Variants in MAP4K5 observed in about 807,000 individuals in gnomAD.
MAP4K5 encodes mitogen-activated protein kinase kinase kinase kinase 5, also known as MAPK/ERK kinase kinase kinase 5.
In MAP4K5, 82 loss-of-function variants were observed where a neutral mutation model predicts 135.6. The ratio of observed to expected loss-of-function variants is 0.60; its 90% CI spans 0.51 to 0.73. The LOEUF (loss-of-function observed/expected upper bound fraction) is 0.73. MAP4K5 is among the 30% of genes least tolerant of loss of function. The pLI is 0.00. For missense variants in MAP4K5, 907 were observed against 1,010.9 expected (o/e 0.90, Z 1.39); for synonymous variants, 347 against 335.0 (o/e 1.04, Z -0.39).
intron 2 of MAP4K5, among the ~76,000 whole-genome samples, chr14:50,514,563 C>T (rs1240423002): frequency 6.6e-6 from 1 of 152,132 alleles, no homozygotes; most frequent in Non-Finnish European, 1.5e-5. Flanking sequence ...GTGAAAAATG[C>T]TCTCATAGAT....
At chr14:50,560,653 G>A (rs2038829119) in intron 1 of MAP4K5, among the ~76,000 whole-genome samples, 1 of 152,388 alleles carries the variant, frequency 6.6e-6, no homozygotes, top group Admixed American at 6.5e-5. Flanking sequence ...GGCTATGGGG[G>A]TGGGCAGGGG....
Position 50,460,277 on chromosome 14 carries a change from C to T in MAP4K5, c.936+2388G>A, listed in dbSNP as rs148419273. On this transcript the variant is annotated intron_variant, in intron 13 of 32. Transcript: ENST00000682126. The stretch of plus-strand genomic sequence containing the variant: ...ATTTCCTTTGAGACTATACTATGAG[C>T]GTTATAAAAGCAGGGATAATGTTAG... Among the ~76,000 whole-genome samples the T allele has an allele frequency of 1.6e-3, 247 of 152,108 alleles. 2 individuals are homozygous for T. The highest frequency in any genetic ancestry group is 5.6e-3 in the African/African-American group (233 of 41,462).
In MAP4K5 at chr14:50,538,790, G is replaced by A. The variant is rs541308473; in HGVS notation, c.-94+3709C>T. 1.2e-4 allele frequency among the ~76,000 whole-genome samples: 19 copies of A among 152,172 alleles called. No homozygotes were observed. In the South Asian group the frequency reaches 1.9e-3, roughly 15 times the overall value. On this transcript the variant is annotated intron_variant, in intron 2 of 8. Transcript: ENST00000555216. ...ATTCCTCACTATCTATTGGTGATTC[G>A]CTTAACCCTGTCATCTAATCATTTA...
At chr14:50,548,884 A>T (rs2140156843) in intron 1 of MAP4K5, among the ~76,000 whole-genome samples, 1 of 152,282 alleles carries the variant, frequency 6.6e-6, no homozygotes, top group Admixed American at 6.5e-5. Context: ...TGTATAGGGC[A>T]TTGCAACAAG....
intron 11 of MAP4K5, among the ~76,000 whole-genome samples, chr14:50,465,784 T>C (rs1234923823): frequency 1.3e-5 from 2 of 152,130 alleles, no homozygotes; most frequent in African/African-American, 4.8e-5. Flanking sequence ...CACTGGATTA[T>C]AAAGAACACT....
chr14:50,428,549 A>G (rs1474301627), intron 30 of MAP4K5, 113 bp downstream of exon 30: 1 of 615,374 alleles, frequency 1.6e-6, no homozygotes, highest in Non-Finnish European at 2.7e-6. Flanking sequence ...GAACATTTCT[A>G]TCTTTACAGA....
intron 3 of MAP4K5, among the ~76,000 whole-genome samples, chr14:50,488,096 C>T (rs1232608418): frequency 6.6e-6 from 1 of 152,154 alleles, no homozygotes; most frequent in Non-Finnish European, 1.5e-5. Flanking sequence ...AATTGACTTA[C>T]ACCTCCGCAT....
rs1271907368 is a variant in MAP4K5, at chr14:50,429,280, G to C, written c.2165-20C>G. On this transcript the variant is annotated intron_variant, in intron 28 of 32. Coordinates refer to ENST00000682126, the MANE Select transcript of MAP4K5 (RefSeq NM_006575.6). Reference sequence around the variant, plus strand: ...GGCTGCCTTAGGAAGTAAAAAACAAGGTTACAATTATACTTTTAAAACCTA... The same window carrying C: ...GGCTGCCTTAGGAAGTAAAAAACAACGTTACAATTATACTTTTAAAACCTA... The C allele has an allele frequency of 1.3e-6, 2 of 1,486,340 alleles. No individual in the cohort carries two copies. The highest frequency in any genetic ancestry group is 1.8e-6 in the Non-Finnish European group (2 of 1,090,258). The allele number at this position is 1,486,340 out of a possible 1,614,324, so 92.1% of individuals were successfully genotyped here. A position where few individuals can be genotyped will look rare whatever the true frequency, so the allele number is the denominator to read the frequency against.
intron 18 of MAP4K5, 133 bp from the exon 19 acceptor site, chr14:50,444,169 GTAAGT>G: frequency 1.5e-6 from 1 of 664,820 alleles, no homozygotes; most frequent in Non-Finnish European, 2.7e-6. Flanking sequence ...CTACTCTCAG[GTAAGT>G]TATCTTTGGT....
intron 28 of MAP4K5, among the ~76,000 whole-genome samples, chr14:50,432,744 CA>C (rs959194963): frequency 4.4e-4 from 63 of 142,276 alleles, no homozygotes; most frequent in Non-Finnish European, 3.7e-4. Flanking sequence ...TGCTGATGAG[CA>C]AAAAAAAAAA....
At chr14:50,517,435 A>G (rs1366630852) in intron 2 of MAP4K5, among the ~76,000 whole-genome samples, 1 of 150,770 alleles carries the variant, frequency 6.6e-6, no homozygotes, top group Non-Finnish European at 1.5e-5. Context: ...TACAGGAATG[A>G]GCCACCGCGC....
At chr14:50,481,920 T>C (rs910688091) in intron 6 of MAP4K5, among the ~76,000 whole-genome samples, 15 of 152,342 alleles carry the variant, frequency 9.8e-5, no homozygotes, top group East Asian at 3.9e-4. Flanking sequence ...TCAAGAGAAA[T>C]AGTAAAAGCC....
chr14:50,549,871 C>A (rs1425957446), intron 1 of MAP4K5, among the ~76,000 whole-genome samples: 3 of 152,200 alleles, frequency 2.0e-5, no homozygotes, highest in Admixed American at 1.3e-4. Flanking sequence ...AAAAGAGTTA[C>A]CCACTAACAC....
chr14:50,539,738 G>A (rs1296420117), intron 2 of MAP4K5, among the ~76,000 whole-genome samples: 2 of 152,230 alleles, frequency 1.3e-5, no homozygotes, highest in African/African-American at 2.4e-5. Context: ...GAAGTTGTAG[G>A]ATCTTGCTAA....
chr14:50,447,395 A>T lies in MAP4K5; in HGVS notation c.1142+19T>A. ...TGTAATCAAATAAAATATAGTTATTAAATTAGAAAACAACTTACTTGCCAG... is the reference window on the plus strand; with the variant it reads ...TGTAATCAAATAAAATATAGTTATTTAATTAGAAAACAACTTACTTGCCAG... On this transcript the variant is annotated intron_variant, in intron 16 of 32. Transcript: ENST00000682126. 6.9e-7 allele frequency: 1 copy of T among 1,455,680 alleles called. No homozygotes were observed. Among genetic ancestry groups the T allele is most frequent in the Non-Finnish European group, 9.4e-7 (1 of 1,068,298 alleles). The allele number at this position is 1,455,680 out of a possible 1,614,324, so 90.2% of individuals were successfully genotyped here. A position where few individuals can be genotyped will look rare whatever the true frequency, so the allele number is the denominator to read the frequency against.
At chr14:50,528,161 T>C (rs2038307873) in intron 2 of MAP4K5, among the ~76,000 whole-genome samples, 1 of 152,156 alleles carries the variant, frequency 6.6e-6, no homozygotes, top group Non-Finnish European at 1.5e-5. Context: ...CTTTTCCCTC[T>C]ACCATTTCCT....
At chr14:50,483,895 C>A (rs912416615) in intron 5 of MAP4K5, among the ~76,000 whole-genome samples, 3 of 151,558 alleles carry the variant, frequency 2.0e-5, no homozygotes, top group Non-Finnish European at 4.4e-5. Context: ...CAGTCTTGCT[C>A]TCTCGCCCAG....
chr14:50,500,609 G>T lies in MAP4K5; in HGVS notation c.166+4191C>A, dbSNP rs561375013. ...CAGGGAAGTGTTAAGCAGAAGTGATGATATGATTTATGTTTTTAAAAGTTC... is the reference window on the plus strand; with the variant it reads ...CAGGGAAGTGTTAAGCAGAAGTGATTATATGATTTATGTTTTTAAAAGTTC... On this transcript the variant is annotated intron_variant, in intron 3 of 32. Coordinates refer to ENST00000682126, the MANE Select transcript of MAP4K5 (RefSeq NM_006575.6). Among the ~76,000 whole-genome samples the T allele has an allele frequency of 3.3e-5, 5 of 152,232 alleles. No homozygotes were observed. The South Asian group carries it at 1.0e-3, about 32-fold the overall frequency.
upstream of MAP4K5, chr14:50,533,333 A>G (rs1478417195): frequency 6.6e-6 from 1 of 151,830 alleles, no homozygotes; most frequent in Middle Eastern, 3.2e-3. Context: ...CATATTTGGC[A>G]ACATCTCGGT....
Sources: gnomAD v4.1 joint callset for allele counts (sites outside exome capture counted in the v4.1 genomes callset) on GRCh38, gnomAD v4.1.1 for gene constraint, MANE v1.5 for transcripts, NCBI Gene and HGNC (gene_info 2026-07-23, HGNC 2026-07-21) for gene names.